SLAMF1: variants seen among roughly 807,000 people sequenced by gnomAD.
SLAMF1 encodes signaling lymphocytic activation molecule family member 1.
SLAMF1 carries 18 observed loss-of-function variants against 35.1 expected under a neutral mutation model. The ratio of observed to expected loss-of-function variants is 0.51; its 90% confidence interval spans 0.35 to 0.76. The LOEUF (loss-of-function observed/expected upper bound fraction) is 0.76. Ranked by LOEUF, SLAMF1 falls within the 30% of genes least tolerant of loss-of-function variation. SLAMF1 has a pLI of 0.01. For synonymous variants in SLAMF1, 168 were observed against 157.2 expected (o/e 1.07, Z -0.51); for missense variants, 392 against 413.0 (o/e 0.95, Z 0.44).
In SLAMF1 at chr1:160,610,073, C is replaced by T. The variant is rs1658900171; in HGVS notation, c.*675G>A. 1 of 320,812 alleles carries T rather than the reference C, an allele frequency of 3.1e-6. No individual in the cohort carries two copies. The highest frequency in any genetic ancestry group is 2.6e-5 in the South Asian group (1 of 38,256). 19.9% of individuals were successfully genotyped at this position (320,812 alleles called of 1,614,324 possible). Reference sequence around the variant, plus strand: ...TACTTTTAAGGCTCTTACATGGTTTCCAGTCCACTGTTCAAAACTCAGAGA... The same window carrying T: ...TACTTTTAAGGCTCTTACATGGTTTTCAGTCCACTGTTCAAAACTCAGAGA... On this transcript the variant is annotated 3_prime_UTR_variant, in exon 7 of 7. Transcript: ENST00000302035.
chr1:160,624,193 A>G lies in SLAMF1; in HGVS notation c.701-8T>C. On this transcript the variant is annotated splice_region_variant and splice_polypyrimidine_tract_variant and intron_variant, in intron 3 of 6. Transcript: ENST00000302035. Reference sequence around the variant, plus strand: ...CTGCCCATGGTTTTGTTTCTGGAAAAAAAAAGAAGTCAAAGAGCAATCTCA... The same window carrying G: ...CTGCCCATGGTTTTGTTTCTGGAAAGAAAAAGAAGTCAAAGAGCAATCTCA... The G allele has an allele frequency of 6.3e-7, 1 of 1,596,996 alleles. No individual in the cohort carries two copies.
At chr1:160,620,898 A>G (rs1424091932) in intron 4 of SLAMF1, among the ~76,000 whole-genome samples, 1 of 152,270 alleles carries the variant, frequency 6.6e-6, no homozygotes, top group African/African-American at 2.4e-5. Context: ...TTAAATTTAA[A>G]AAGCCACATG....
Position 160,612,208 on chromosome 1 carries a change from C to T in SLAMF1, c.957+280G>A, listed in dbSNP as rs79842257. Among the ~76,000 whole-genome samples the T allele has an allele frequency of 3.0e-3, 449 of 151,496 alleles. 4 individuals are homozygous for T. Among genetic ancestry groups the T allele is most frequent in the Middle Eastern group, 0.014 (4 of 292 alleles). ...GTGGCCTCCCTTCCCCAGTCCAGGA[C>T]TCATCAATCTGTTTCATTTAATTTG... is the stretch of plus-strand genomic sequence containing the variant. On this transcript the variant is annotated intron_variant, in intron 6 of 6. Transcript: ENST00000302035.
chr1:160,618,656 A>G (rs1659443247), intron 5 of SLAMF1, among the ~76,000 whole-genome samples: 1 of 152,190 alleles, frequency 6.6e-6, no homozygotes, highest in African/African-American at 2.4e-5. Flanking sequence ...GAACTGATGA[A>G]TGCCACTGAA....
At chr1:160,633,196 T>A (rs1361833137) in intron 3 of SLAMF1, among the ~76,000 whole-genome samples, 1 of 152,112 alleles carries the variant, frequency 6.6e-6, no homozygotes, top group Non-Finnish European at 1.5e-5. Flanking sequence ...ACCTTCTAAA[T>A]GACTGTGGGT....
intron 5 of SLAMF1, among the ~76,000 whole-genome samples, chr1:160,614,357 C>T (rs60791973): frequency 9.2e-5 from 14 of 151,914 alleles, no homozygotes; most frequent in East Asian, 1.9e-4. Flanking sequence ...GGGTGGATCA[C>T]GAGGTCAGGA....
At chr1:160,623,177 A>C (rs981949171) in intron 4 of SLAMF1, among the ~76,000 whole-genome samples, 8 of 152,090 alleles carry the variant, frequency 5.3e-5, no homozygotes, top group African/African-American at 1.7e-4. Flanking sequence ...TGGATAAGTT[A>C]AGTTCAGTTT....
In SLAMF1 at chr1:160,646,306, A is replaced by G. The variant is rs544525802; in HGVS notation, c.76+564T>C. ...CTTTCTTGGACCTTCTCTTCCAAGAAAATACACACCAGTATGACCGCACTG... is the reference window on the plus strand; with the variant it reads ...CTTTCTTGGACCTTCTCTTCCAAGAGAATACACACCAGTATGACCGCACTG... On this transcript the variant is annotated intron_variant, in intron 1 of 6. Coordinates refer to ENST00000302035, the MANE Select transcript of SLAMF1 (RefSeq NM_003037.5). Among the ~76,000 whole-genome samples the G allele has an allele frequency of 1.8e-4, 27 of 152,304 alleles. No individual in the cohort carries two copies. In the South Asian group the frequency reaches 5.0e-3, roughly 28 times the overall value.
chr1:160,611,005 G>A (rs1052202465), intron 6 of SLAMF1, among the ~76,000 whole-genome samples: 2 of 152,236 alleles, frequency 1.3e-5, no homozygotes, highest in Admixed American at 6.5e-5. Context: ...TCCCTTCCAA[G>A]CATAAGCATG....
rs139652653 is a variant in SLAMF1, at chr1:160,635,039, G to T, written c.416-142C>A. The T allele has an allele frequency of 1.9e-4, 131 of 690,686 alleles. No individual in the cohort carries two copies. The African/African-American group carries it at 2.1e-3, about 11-fold the overall frequency. 42.8% of individuals were successfully genotyped at this position (690,686 alleles called of 1,614,324 possible). ...ATTTATTTCTAGTGGGGAATCTATT[G>T]CTTCACACTGTCCATCATGCCCCAC... On this transcript the variant is annotated intron_variant, in intron 2 of 6. Transcript: ENST00000302035.
chr1:160,608,569 C>T lies in SLAMF1; in HGVS notation c.*2179G>A, dbSNP rs1377394078. The T allele has an allele frequency of 1.3e-5, 2 of 152,278 alleles. No homozygotes were observed. The highest frequency in any genetic ancestry group is 1.9e-4 in the East Asian group (1 of 5,198). The allele number at this position is 152,278 out of a possible 1,614,324, so 9.4% of individuals were successfully genotyped here. Reference sequence around the variant, plus strand: ...GCTGTTTGGTGGGTGGCCCAAAAGACTCCCTCCCCAGTGAGGTCTTGAGCC... The same window carrying T: ...GCTGTTTGGTGGGTGGCCCAAAAGATTCCCTCCCCAGTGAGGTCTTGAGCC... On this transcript the variant is annotated 3_prime_UTR_variant, in exon 7 of 7. Coordinates refer to ENST00000302035, the MANE Select transcript of SLAMF1 (RefSeq NM_003037.5).
At position 160,612,423 on chromosome 1, in the gene SLAMF1, C is replaced by T. The variant is rs2025515; in HGVS notation, c.957+65G>A. On this transcript the variant is annotated intron_variant, in intron 6 of 6. Transcript: ENST00000302035. ...CTCTTCCCACCTTAAAAAAAAAAAA[C>T]TTCCTCATTTTCCCCTCCTTCATGT... 4.9e-6 allele frequency: 5 copies of T among 1,010,520 alleles called. No individual in the cohort carries two copies. The African/African-American group carries it at 6.6e-5, about 13-fold the overall frequency. The allele number at this position is 1,010,520 out of a possible 1,614,324, so 62.6% of individuals were successfully genotyped here.
At position 160,634,910 on chromosome 1, in the gene SLAMF1, G is replaced by A; in HGVS notation, c.416-13C>T. ...GTGGAGACCTGCTCTGTCAGGAGTGGGAGGAAGGGAGCCATCACTGAAGTG... is the reference window on the plus strand; with the variant it reads ...GTGGAGACCTGCTCTGTCAGGAGTGAGAGGAAGGGAGCCATCACTGAAGTG... On this transcript the variant is annotated splice_polypyrimidine_tract_variant and intron_variant, in intron 2 of 6. Coordinates refer to ENST00000302035, the MANE Select transcript of SLAMF1 (RefSeq NM_003037.5). 6.3e-7 allele frequency: 1 copy of A among 1,595,450 alleles called. No homozygotes were observed. The highest frequency in any genetic ancestry group is 8.6e-7 in the Non-Finnish European group (1 of 1,167,612).
intron 2 of SLAMF1, among the ~76,000 whole-genome samples, chr1:160,636,491 G>A (rs924001252): frequency 2.0e-4 from 31 of 152,230 alleles, no homozygotes; most frequent in Admixed American, 3.9e-4. Context: ...GGGCCTAAGA[G>A]ACACAATCCC....
chr1:160,614,435 A>G (rs1659175680), intron 5 of SLAMF1, among the ~76,000 whole-genome samples: 1 of 152,078 alleles, frequency 6.6e-6, no homozygotes, highest in African/African-American at 2.4e-5. Context: ...TTAGCCAGGA[A>G]TGATGGTGCA....
At chr1:160,616,279 G>A (rs189290619) in intron 5 of SLAMF1, among the ~76,000 whole-genome samples, 152 of 151,582 alleles carry the variant, frequency 1.0e-3, no homozygotes, top group Non-Finnish European at 4.7e-4. Flanking sequence ...GAAGAACTCT[G>A]TTACTTATTT....
chr1:160,612,468 T>C lies in SLAMF1; in HGVS notation c.957+20A>G, dbSNP rs1315408219. ...TCATGTATTCCCTCTCTACGGAGAG[T>C]AGGCAGAGAGATGCCTCACCTGGAC... On this transcript the variant is annotated intron_variant, in intron 6 of 6. Coordinates refer to ENST00000302035, the MANE Select transcript of SLAMF1 (RefSeq NM_003037.5). The C allele has an allele frequency of 6.6e-7, 1 of 1,522,136 alleles. No individual in the cohort carries two copies. The highest frequency in any genetic ancestry group is 9.1e-7 in the Non-Finnish European group (1 of 1,099,548). The allele number at this position is 1,522,136 out of a possible 1,614,324, so 94.3% of individuals were successfully genotyped here. A position where few individuals can be genotyped will look rare whatever the true frequency, so the allele number is the denominator to read the frequency against.
intron 5 of SLAMF1, among the ~76,000 whole-genome samples, chr1:160,617,522 G>A (rs1245329736): frequency 6.6e-6 from 1 of 151,714 alleles, no homozygotes; most frequent in Non-Finnish European, 1.5e-5. Context: ...TAAATTCAAA[G>A]ACATATATGA....
chr1:160,632,221 G>GACACAC (rs138381382), intron 3 of SLAMF1, among the ~76,000 whole-genome samples: 4 of 151,844 alleles, frequency 2.6e-5, no homozygotes, highest in Non-Finnish European at 5.9e-5. Context: ...AGTTCTTATT[G>GACACAC]ACACACACAC....
Sources: gnomAD v4.1 joint callset for allele counts (sites outside exome capture counted in the v4.1 genomes callset) on GRCh38, gnomAD v4.1.1 for gene constraint, MANE v1.5 for transcripts, NCBI Gene and HGNC (gene_info 2026-07-23, HGNC 2026-07-21) for gene names.